CCDC146: variants seen among roughly 807,000 people sequenced by gnomAD.
CCDC146 encodes the protein coiled-coil domain-containing protein 146.
CCDC146 carries 92 observed loss-of-function variants against 119.3 expected under a neutral mutation model. That is an observed-to-expected ratio of 0.77 (90% CI 0.65 to 0.92). The LOEUF is 0.92. Among genes scored for constraint, CCDC146 ranks in the 40% least tolerant of loss-of-function variants. CCDC146 has a pLI of 0.00. For synonymous variants in CCDC146, 372 were observed against 371.8 expected, an observed-to-expected ratio of 1.00 and a Z score of -0.01; for missense variants, 1,000 against 1,103.0, an observed-to-expected ratio of 0.91 and a Z score of 1.32.
chr7:77,175,511 G>C (rs1791487260), intron 2 of CCDC146, among the ~76,000 whole-genome samples: 1 of 150,802 alleles, frequency 6.6e-6, no homozygotes. Flanking sequence ...CAATGATGAA[G>C]ATGGATTAAG....
chr7:77,206,666 T>TACAC (rs1216221771), intron 2 of CCDC146, among the ~76,000 whole-genome samples: 1 of 134,510 alleles, frequency 7.4e-6, no homozygotes, highest in African/African-American at 2.8e-5. Context: ...TATATATATA[T>TACAC]ATATATACAC....
intron 8 of CCDC146, 112 bp downstream of exon 8, chr7:77,260,348 T>C: frequency 1.4e-6 from 1 of 739,828 alleles, no homozygotes; most frequent in Non-Finnish European, 2.1e-6. Context: ...TAAAAATAAT[T>C]TTAAATCAAC....
At chr7:77,237,102 A>G (rs763594509) in intron 3 of CCDC146, 73 bp downstream of exon 3, 3 of 1,225,684 alleles carry the variant, frequency 2.4e-6, no homozygotes, top group South Asian at 1.2e-5. Flanking sequence ...ACCTGTCTTC[A>G]TTTGCATTCC....
chr7:77,287,908 G>A lies in CCDC146; in HGVS notation c.2415+331G>A, dbSNP rs141170417. On this transcript the variant is annotated intron_variant, in intron 17 of 18. Coordinates refer to ENST00000285871, the MANE Select transcript of CCDC146 (RefSeq NM_020879.3). Reference sequence around the variant, plus strand: ...CTTTTTAGTTCCTTTTAAGTGGAGCGCCTCACTTATCCAGTGATCTTAGTA... The same window carrying A: ...CTTTTTAGTTCCTTTTAAGTGGAGCACCTCACTTATCCAGTGATCTTAGTA... Among the ~76,000 whole-genome samples the A allele has an allele frequency of 1.5e-3, 227 of 152,208 alleles. 4 individuals are homozygous for A. The East Asian group carries it at 0.033, about 22-fold the overall frequency.
Position 77,282,557 on chromosome 7 carries a change from T to G in CCDC146, c.1920T>G (p.Ser640Arg). The change falls in exon 15 of 19, where the codon AGT (serine) becomes AGG (arginine). Residue 640 changes from serine to arginine, a missense_variant and splice_region_variant. Coordinates refer to ENST00000285871, the MANE Select transcript of CCDC146 (RefSeq NM_020879.3). ...YEKAVQHRNESGVQLIEREEE... is the reference protein window; with the variant it reads ...YEKAVQHRNERGVQLIEREEE... Reference sequence around the variant, plus strand: ...CCTCTGCCTCTGAATTTGACCATAGTGGCGTTCAGCTGATAGAGCGGGAAG... The same window carrying G: ...CCTCTGCCTCTGAATTTGACCATAGGGGCGTTCAGCTGATAGAGCGGGAAG... 1 of 1,596,538 alleles carries G rather than the reference T, an allele frequency of 6.3e-7. No individual in the cohort carries two copies. The highest frequency in any genetic ancestry group is 8.5e-7 in the Non-Finnish European group (1 of 1,170,434).
chr7:77,171,773 CACA>C (rs1348484680), intron 2 of CCDC146, among the ~76,000 whole-genome samples: 12 of 152,190 alleles, frequency 7.9e-5, no homozygotes, highest in South Asian at 2.1e-4. Context: ...CAGTAAAAAT[CACA>C]ACAACTTGAG....
chr7:77,213,857 T>C (rs574113550), intron 2 of CCDC146, among the ~76,000 whole-genome samples: 3 of 152,204 alleles, frequency 2.0e-5, no homozygotes, highest in African/African-American at 7.2e-5. Context: ...ACATTTTCTT[T>C]ATCTAATCCT....
chr7:77,186,990 T>C (rs1248767679), intron 2 of CCDC146, among the ~76,000 whole-genome samples: 2 of 152,202 alleles, frequency 1.3e-5, no homozygotes, highest in African/African-American at 4.8e-5. Context: ...TACAATTAAG[T>C]TAGGTTTTCA....
chr7:77,199,266 T>C, intron 2 of CCDC146: 1 of 1,614,132 alleles, frequency 6.2e-7, no homozygotes, highest in Non-Finnish European at 8.5e-7. Context: ...GATTTGCCAC[T>C]TTGCTGTCAA....
intron 17 of CCDC146, among the ~76,000 whole-genome samples, chr7:77,287,859 G>A (rs1793876726): frequency 6.6e-6 from 1 of 152,206 alleles, no homozygotes. Flanking sequence ...TATTATCTTT[G>A]TATTTCATGC....
At chr7:77,269,571 G>A (rs149456159) in intron 9 of CCDC146, among the ~76,000 whole-genome samples, 3 of 152,322 alleles carry the variant, frequency 2.0e-5, no homozygotes, top group African/African-American at 7.2e-5. Context: ...TGTGAGGCAT[G>A]GCCTTTGACC....
At chr7:77,245,570 G>A (rs542762600) in intron 4 of CCDC146, among the ~76,000 whole-genome samples, 7 of 152,304 alleles carry the variant, frequency 4.6e-5, no homozygotes, top group African/African-American at 1.4e-4. Context: ...CACTCAGGCC[G>A]CACACGTGCA....
intron 4 of CCDC146, among the ~76,000 whole-genome samples, chr7:77,244,784 C>T (rs1355464834): frequency 8.1e-6 from 1 of 123,500 alleles, no homozygotes; most frequent in Non-Finnish European, 1.7e-5. Context: ...CAATTCCCTC[C>T]ACACCCTCCC....
At position 77,287,512 on chromosome 7, in the gene CCDC146, C is replaced by T; in HGVS notation, c.2350C>T (p.Leu784Phe). Residue 784 changes from leucine (L) to phenylalanine (F), a missense_variant, in exon 17 of 19, where the codon CTC becomes TTC. This residue lies in a region of CCDC146 where 985 missense variants were observed against 1,045.3 expected (regional missense o/e 0.94). Coordinates refer to ENST00000285871, the MANE Select transcript of CCDC146 (RefSeq NM_020879.3). ...KDFIYEQVSR[L>F]TDRLCSKTQG... is the part of the protein sequence containing the mutation. Reference sequence around the variant, plus strand: ...TTTCATCTATGAGCAGGTCTCCAGGCTCACAGACAGGCTCTGCAGCAAAAC... The same window carrying T: ...TTTCATCTATGAGCAGGTCTCCAGGTTCACAGACAGGCTCTGCAGCAAAAC... The T allele has an allele frequency of 6.2e-7, 1 of 1,614,056 alleles. No individual in the cohort carries two copies. Among genetic ancestry groups the T allele is most frequent in the Non-Finnish European group, 8.5e-7 (1 of 1,179,976 alleles).
intron 8 of CCDC146, 144 bp downstream of exon 8, chr7:77,260,380 A>T (rs1793270104): frequency 1.7e-6 from 1 of 602,148 alleles, no homozygotes; most frequent in Non-Finnish European, 2.8e-6. Flanking sequence ...ATATATTATC[A>T]AATAAAGCAC....
chr7:77,147,870 A>C (rs1791046512), intron 1 of CCDC146, among the ~76,000 whole-genome samples: 1 of 152,232 alleles, frequency 6.6e-6, no homozygotes, highest in South Asian at 2.1e-4. Flanking sequence ...GACCCACTTG[A>C]CGAGGCAGTC....
Position 77,225,873 on chromosome 7 carries a change from G to A in CCDC146, c.157-11074G>A, listed in dbSNP as rs151218402. Among the ~76,000 whole-genome samples the A allele has an allele frequency of 4.4e-3, 668 of 152,252 alleles. 5 individuals carry two copies. Among genetic ancestry groups the A allele is most frequent in the African/African-American group, 0.016 (649 of 41,534 alleles). Reference sequence around the variant, plus strand: ...CAGGAGAATCGCTTGAACCCTGGAGGCGGAGGTTGCAGTGAGCTGAGATTG... The same window carrying A: ...CAGGAGAATCGCTTGAACCCTGGAGACGGAGGTTGCAGTGAGCTGAGATTG... On this transcript the variant is annotated intron_variant, in intron 2 of 18. Coordinates refer to ENST00000285871, the MANE Select transcript of CCDC146 (RefSeq NM_020879.3).
Position 77,221,185 on chromosome 7 carries a change from C to T in CCDC146, c.157-15762C>T, listed in dbSNP as rs940278435. ...TCCACCCCCATGATCCAGTCACCTC[C>T]CATCAGACTCCACCTCCAACACTGG... On this transcript the variant is annotated intron_variant, in intron 2 of 18. Transcript: ENST00000285871. 2.0e-5 allele frequency among the ~76,000 whole-genome samples: 3 copies of T among 152,238 alleles called. No individual in the cohort carries two copies. In the East Asian group the frequency reaches 5.8e-4, roughly 29 times the overall value.
At chr7:77,267,608 C>T (rs1047920454) in intron 9 of CCDC146, among the ~76,000 whole-genome samples, 2 of 151,874 alleles carry the variant, frequency 1.3e-5, no homozygotes, top group South Asian at 2.1e-4. Context: ...TTTCTTGTCC[C>T]TCTGTATACA....
Sources: allele counts gnomAD v4.1 joint callset (sites outside exome capture counted in the v4.1 genomes callset), GRCh38; gene constraint gnomAD v4.1.1; regional missense constraint gnomAD v4.1.1; transcripts MANE v1.5; gene names NCBI Gene and HGNC (gene_info 2026-07-23, HGNC 2026-07-21).